Variants in DNAH8 observed in about 807,000 individuals in gnomAD.
The protein encoded by DNAH8 is dynein axonemal heavy chain 8.
In DNAH8, 382 loss-of-function variants were observed where a neutral mutation model predicts 562.1. The observed-to-expected ratio is 0.68, with a 90% CI of 0.63 to 0.74. DNAH8 has a LOEUF of 0.74. DNAH8 is among the 30% of genes least tolerant of loss of function. DNAH8 has a pLI of 0.00. For synonymous variants in DNAH8, 1,881 were observed against 1,919.4 expected (o/e 0.98, Z 0.52); for missense variants, 5,203 against 5,620.4 (o/e 0.93, Z 2.37).
chr6:38,913,258 G>T (rs1781039655), intron 66 of DNAH8, among the ~76,000 whole-genome samples: 1 of 152,164 alleles, frequency 6.6e-6, no homozygotes, highest in Non-Finnish European at 1.5e-5. Context: ...ACAATATACA[G>T]ATGAGGGCTT....
In DNAH8 at chr6:38,790,319, G is replaced by A. The variant is rs1210165593; in HGVS notation, c.2695G>A (p.Val899Met). ...ATCTGTGTTGAGGCAAGGACTCACAGTGTTAACATGGTCGTCTTTAACACT... is the reference window on the plus strand; with the variant it reads ...ATCTGTGTTGAGGCAAGGACTCACAATGTTAACATGGTCGTCTTTAACACT... Reference protein sequence around the residue: ...VESVLRQGLTVLTWSSLTLES... With the variant: ...VESVLRQGLTMLTWSSLTLES... The change falls in exon 20 of 93, where the codon GTG becomes ATG. Residue 899 changes from valine (V) to methionine (M), a missense_variant. By Grantham distance (21) the Val-to-Met change is conservative (BLOSUM62 1). Around this residue, in one of 6 missense-constraint regions of DNAH8, gnomAD observed 2,176 missense variants for 2,365.1 expected, o/e 0.92. Coordinates refer to ENST00000327475, the MANE Select transcript of DNAH8 (RefSeq NM_001206927.2). 1 of 1,609,072 alleles carries A rather than the reference G, an allele frequency of 6.2e-7. No homozygotes were observed. Among genetic ancestry groups the A allele is most frequent in the Non-Finnish European group, 8.5e-7 (1 of 1,178,202 alleles).
intron 1 of DNAH8, among the ~76,000 whole-genome samples, chr6:38,716,078 C>T (rs1762321267): frequency 6.7e-6 from 1 of 149,246 alleles, no homozygotes; most frequent in Non-Finnish European, 1.5e-5. Context: ...CCTGCCTCAG[C>T]CTCCCGAGTA....
Position 38,938,987 on chromosome 6 carries a change from A to G in DNAH8, c.12006A>G (p.Lys4002=). Residue 4002 remains lysine (K), a splice_region_variant and synonymous_variant, in exon 79 of 93, where the codon AAA becomes AAG. Transcript: ENST00000327475. The stretch of plus-strand genomic sequence containing the variant: ...ACAGAGAGTTTCAAGCTCTCATTAA[A>G]GGTAAAGTGTGTGGGATACAGATGT... ...VKHREFQALI[K]GGAALDLKAC... is the part of the protein sequence containing the mutation. The G allele has an allele frequency of 6.2e-7, 1 of 1,612,410 alleles. No homozygotes were observed. The highest frequency in any genetic ancestry group is 8.5e-7 in the Non-Finnish European group (1 of 1,179,072).
At chr6:38,853,449 T>C in intron 41 of DNAH8, 102 bp downstream of exon 41, 1 of 1,293,130 alleles carries the variant, frequency 7.7e-7, no homozygotes, top group Admixed American at 2.2e-5. Flanking sequence ...AATTGTAGCT[T>C]TGAATTAGGT....
intron 81 of DNAH8, among the ~76,000 whole-genome samples, chr6:38,949,945 G>T (rs554856465): frequency 2.0e-5 from 3 of 152,166 alleles, no homozygotes; most frequent in Middle Eastern, 3.4e-3. Flanking sequence ...TAAAAAAACA[G>T]ACCTCACAAA....
At position 38,737,181 on chromosome 6, in the gene DNAH8, A is replaced by C. The variant is rs971110651; in HGVS notation, c.877A>C (p.Asn293His). The change falls in exon 6 of 93, where the codon AAC (asparagine) becomes CAC (histidine). Residue 293 changes from asparagine to histidine, a missense_variant. Physicochemically the swap from Asn to His is moderately conservative, Grantham distance 68. Coordinates refer to ENST00000327475, the MANE Select transcript of DNAH8 (RefSeq NM_001206927.2). Reference protein sequence around the residue: ...VLATNNWGALNQSKQGESEKH... With the variant: ...VLATNNWGALHQSKQGESEKH... ...TGCAACAAACAACTGGGGTGCTTTA[A>C]ACCAGTCCAAGCAGGGAGAATCTGA... 9 of 1,571,188 alleles carry C rather than the reference A, an allele frequency of 5.7e-6. No homozygotes were observed. Among genetic ancestry groups the C allele is most frequent in the Middle Eastern group, 1.7e-4 (1 of 5,966 alleles).
intron 1 of DNAH8, among the ~76,000 whole-genome samples, chr6:38,715,956 A>T (rs377546895): frequency 0.13 from 3,602 of 26,842 alleles, 456 homozygotes; most frequent in East Asian, 0.32. Flanking sequence ...ATATATATAT[A>T]TATATTTTTT....
chr6:38,841,261 A>G (rs1021535972), intron 33 of DNAH8, among the ~76,000 whole-genome samples: 2 of 152,046 alleles, frequency 1.3e-5, no homozygotes, highest in African/African-American at 4.8e-5. Context: ...TCTACTAAAA[A>G]TACAAAAATT....
chr6:38,911,696 TTAG>T lies in DNAH8; in HGVS notation c.9859+117_9859+119del, dbSNP rs1780914294. 1.5e-5 allele frequency: 11 copies of T among 742,980 alleles called. No individual in the cohort carries two copies. In the South Asian group the frequency reaches 1.9e-4, roughly 13 times the overall value. The allele number at this position is 742,980 out of a possible 1,614,324, so 46.0% of individuals were successfully genotyped here. On this transcript the variant is annotated intron_variant, in intron 66 of 92. Transcript: ENST00000327475. ...GTCTGAAAATGAAATACTCACTTTG[TTAG>T]TAGTAGATAATTTTAAAGGATGGCC...
rs548987637 is a variant in DNAH8, at chr6:38,853,257, A to G, written c.5643A>G (p.Ser1881=). ...TGGATTTGTTAAAAATGCAGATGTC[A>G]TCATTACATAATATAATTAGATCCG... ...WLLDLLKMQM[S]SLHNIIRSAF... Residue 1881 remains serine, a synonymous_variant, in exon 41 of 93, where the codon TCA becomes TCG. Coordinates refer to ENST00000327475, the MANE Select transcript of DNAH8 (RefSeq NM_001206927.2). 8.1e-6 allele frequency: 13 copies of G among 1,613,484 alleles called. No homozygotes were observed. The East Asian group carries it at 8.9e-5, about 11-fold the overall frequency.
At position 38,917,144 on chromosome 6, in the gene DNAH8, A is replaced by G. The variant is rs933281814; in HGVS notation, c.10141-95A>G. 16 of 873,788 alleles carry G rather than the reference A, an allele frequency of 1.8e-5. No homozygotes were observed. The African/African-American group carries it at 2.7e-4, about 14-fold the overall frequency. 54.1% of individuals were successfully genotyped at this position (873,788 alleles called of 1,614,324 possible). A position where few individuals can be genotyped will look rare whatever the true frequency, so the allele number is the denominator to read the frequency against. ...GAAATGGAGAGAAAATATGTTTTAA[A>G]GTTTTCTATCTTAATTATTGAAAAG... is the stretch of plus-strand genomic sequence containing the variant. On this transcript the variant is annotated intron_variant, in intron 68 of 92. Transcript: ENST00000327475.
chr6:38,913,967 ATTTT>A lies in DNAH8; in HGVS notation c.9963+16_9963+19del, dbSNP rs758994244. The A allele has an allele frequency of 6.3e-7, 1 of 1,576,600 alleles. No individual in the cohort carries two copies. The highest frequency in any genetic ancestry group is 8.7e-7 in the Non-Finnish European group (1 of 1,146,652). On this transcript the variant is annotated intron_variant, in intron 67 of 92. Coordinates refer to ENST00000327475, the MANE Select transcript of DNAH8 (RefSeq NM_001206927.2). ...AAGCAGACGAAGTGAGTTTGCATTT[ATTTT>A]ATCACTGATGAGGAATATTTTTCCA... is the stretch of plus-strand genomic sequence containing the variant.
intron 48 of DNAH8, among the ~76,000 whole-genome samples, chr6:38,869,982 G>C (rs1182141476): frequency 6.6e-6 from 1 of 152,190 alleles, no homozygotes; most frequent in Non-Finnish European, 1.5e-5. Flanking sequence ...GGCTGGGGAG[G>C]CCTCACAATC....
chr6:38,905,609 G>A (rs993632471), intron 62 of DNAH8, among the ~76,000 whole-genome samples: 7 of 151,966 alleles, frequency 4.6e-5, no homozygotes, highest in South Asian at 2.1e-4. Flanking sequence ...ATATTTACTC[G>A]GACAAAATCT....
chr6:38,958,196 G>A (rs897527131), intron 82 of DNAH8, among the ~76,000 whole-genome samples: 3 of 151,240 alleles, frequency 2.0e-5, no homozygotes, highest in Admixed American at 6.6e-5. Flanking sequence ...TAGTAGAGAC[G>A]GGGTTTCACC....
chr6:38,974,607 G>C, intron 85 of DNAH8, 78 bp downstream of exon 85: 1 of 1,234,344 alleles, frequency 8.1e-7, no homozygotes. Context: ...GCTTCCAGGA[G>C]GGTGCTATCC....
intron 81 of DNAH8, 81 bp downstream of exon 81, chr6:38,949,651 C>A: frequency 1.2e-6 from 1 of 823,204 alleles, no homozygotes; most frequent in African/African-American, 1.7e-5. Context: ...GAGTTTACTT[C>A]ACTATATCAC....
chr6:38,991,989 G>A (rs1330010514), intron 88 of DNAH8, among the ~76,000 whole-genome samples: 1 of 150,986 alleles, frequency 6.6e-6, no homozygotes. Context: ...TTTTGCCACG[G>A]AATTTCGCTC....
intron 8 of DNAH8, among the ~76,000 whole-genome samples, chr6:38,743,007 C>CTTTTTTTTTTTTTTTTT (rs11340457): frequency 5.8e-5 from 3 of 52,004 alleles, no homozygotes; most frequent in African/African-American, 1.1e-4. Context: ...TGTTGTTGTG[C>CTTTTTTTTTTTTTTTTT]TTTTTTTTTT....
Sources: gnomAD v4.1 joint callset for allele counts (sites outside exome capture counted in the v4.1 genomes callset) on GRCh38, gnomAD v4.1.1 for gene constraint, gnomAD v4.1.1 regional missense constraint, MANE v1.5 for transcripts, NCBI Gene and HGNC (gene_info 2026-07-23, HGNC 2026-07-21) for gene names.